Variants in DHX32 observed in about 807,000 individuals in gnomAD.
DHX32 encodes putative pre-mRNA-splicing factor ATP-dependent RNA helicase DHX32.
Under a neutral mutation model 70.0 loss-of-function variants are expected in DHX32, and 51 were observed. The observed-to-expected ratio is 0.73, with a 90% CI of 0.58 to 0.92. DHX32 has a LOEUF of 0.92. Among genes scored for constraint, DHX32 ranks in the 40% least tolerant of loss-of-function variants. The pLI, the probability that DHX32 is intolerant of heterozygous loss-of-function variation, is 0.00. For synonymous variants in DHX32, 310 were observed against 315.3 expected (o/e 0.98, Z 0.18); for missense variants, 762 against 891.8 (o/e 0.85, Z 1.85).
At chr10:125,888,221 A>C (rs56175175) in intron 1 of DHX32, among the ~76,000 whole-genome samples, 1 of 134,448 alleles carries the variant, frequency 7.4e-6, no homozygotes, top group African/African-American at 3.0e-5. Flanking sequence ...TTTTTTTTTT[A>C]AAGACAGGGT....
In DHX32 at chr10:125,841,909, C is replaced by T. The variant is rs778629239; in HGVS notation, c.1377G>A (p.Leu459=). 1.7e-5 allele frequency: 27 copies of T among 1,601,652 alleles called. No individual in the cohort carries two copies. The highest frequency in any genetic ancestry group is 2.0e-5 in the Non-Finnish European group (24 of 1,176,554). ...GTGCTGCCAGATAATCTAAGTCTTC[C>T]AATGCCTGCATCAAACTTTCTGGTG... ...RPAPESLMQA[L]EDLDYLAALD... is the part of the protein sequence containing the mutation. Residue 459 remains leucine (L), a synonymous_variant, in exon 7 of 11, where the codon TTG becomes TTA. Coordinates refer to ENST00000284690, the MANE Select transcript of DHX32 (RefSeq NM_018180.3).
chr10:125,870,900 G>A (rs1944252058), intron 1 of DHX32, among the ~76,000 whole-genome samples: 1 of 152,072 alleles, frequency 6.6e-6, no homozygotes, highest in South Asian at 2.1e-4. Flanking sequence ...CAACATCAGG[G>A]GGACAGTACT....
intron 2 of DHX32, among the ~76,000 whole-genome samples, chr10:125,862,062 C>CTCA (rs1341749133): frequency 1.3e-5 from 2 of 152,174 alleles, no homozygotes; most frequent in African/African-American, 4.8e-5. Flanking sequence ...ATTACTATGA[C>CTCA]TCATTTATAA....
chr10:125,865,396 C>T (rs1051846558), intron 2 of DHX32, among the ~76,000 whole-genome samples: 2 of 152,192 alleles, frequency 1.3e-5, no homozygotes, highest in African/African-American at 4.8e-5. Context: ...AATATATCTT[C>T]AAGAAGTTCA....
intron 6 of DHX32, among the ~76,000 whole-genome samples, chr10:125,849,021 T>C (rs1010291154): frequency 3.3e-5 from 5 of 152,198 alleles, no homozygotes; most frequent in Non-Finnish European, 7.3e-5. Flanking sequence ...CCCCTCAATA[T>C]GGGGACCATC....
At chr10:125,872,807 C>T (rs2134066697) in intron 1 of DHX32, among the ~76,000 whole-genome samples, 1 of 152,262 alleles carries the variant, frequency 6.6e-6, no homozygotes, top group Middle Eastern at 3.4e-3. Flanking sequence ...AATGTGCATC[C>T]CTGGCCTCTT....
At chr10:125,893,877 C>T (rs1262496143) in intron 1 of DHX32, among the ~76,000 whole-genome samples, 1 of 152,238 alleles carries the variant, frequency 6.6e-6, no homozygotes, top group Admixed American at 6.5e-5. Context: ...TTTTATCAAC[C>T]TATTTGCATT....
exon 1 of DHX32, chr10:125,896,347 ACAGGTCCTG>A (rs1944524488): frequency 2.8e-6 from 1 of 358,996 alleles, no homozygotes; most frequent in Admixed American, 4.8e-5. Context: ...ACGTCGGGGC[ACAGGTCCTG>A]CGGGGCCGCG....
At chr10:125,845,386 A>C (rs1944003961) in intron 6 of DHX32, among the ~76,000 whole-genome samples, 1 of 152,258 alleles carries the variant, frequency 6.6e-6, no homozygotes, top group Non-Finnish European at 1.5e-5. Flanking sequence ...AAGGTAGCTG[A>C]CATTATGCAA....
chr10:125,836,836 G>A lies in DHX32; in HGVS notation c.2083C>T (p.Gln695Ter), dbSNP rs773108161. ...GGAGGCAGATTACTGAAATAGTATT[G>A]TGGTACCAGCTGCATAAATCTGTTT... ...SPELFMQLVP[Q>*]YYFSNLPPSE... Residue 695 changes from glutamine (Q) to a stop codon, truncating the protein, a stop_gained, in exon 11 of 11, where the codon CAA becomes TAA. Coordinates refer to ENST00000284690, the MANE Select transcript of DHX32 (RefSeq NM_018180.3). LOFTEE classifies it high-confidence loss of function. 1.9e-6 allele frequency: 3 copies of A among 1,614,110 alleles called. No homozygotes were observed. Among genetic ancestry groups the A allele is most frequent in the Non-Finnish European group, 2.5e-6 (3 of 1,180,000 alleles).
At chr10:125,847,401 A>C (rs533773098) in intron 6 of DHX32, among the ~76,000 whole-genome samples, 1 of 152,232 alleles carries the variant, frequency 6.6e-6, no homozygotes, top group Non-Finnish European at 1.5e-5. Context: ...ATCCACTGCA[A>C]CATAATGCAT....
chr10:125,881,446 T>C (rs1944316993), upstream of DHX32: 1 of 152,338 alleles, frequency 6.6e-6, no homozygotes, highest in African/African-American at 2.4e-5. Context: ...CTGGACCCTA[T>C]AAAAGGAAAG....
At position 125,838,281 on chromosome 10, in the gene DHX32, T is replaced by G. The variant is rs1003925356; in HGVS notation, c.1988A>C (p.Glu663Ala). ...SGYSITKKMP[E>A]WVLFHKFSIS... Reference sequence around the variant, plus strand: ...GCTGAATTTATGGAAGAGGACCCACTCTGGCATCTTCTTGGTGATTGAGTA... The same window carrying G: ...GCTGAATTTATGGAAGAGGACCCACGCTGGCATCTTCTTGGTGATTGAGTA... The change falls in exon 10 of 11, where the codon GAG becomes GCG. Residue 663 changes from glutamate (E) to alanine (A), a missense_variant. Coordinates refer to ENST00000284690, the MANE Select transcript of DHX32 (RefSeq NM_018180.3). 2 of 1,613,990 alleles carry G rather than the reference T, an allele frequency of 1.2e-6. No individual in the cohort carries two copies. Among genetic ancestry groups the G allele is most frequent in the East Asian group, 4.5e-5 (2 of 44,880 alleles).
chr10:125,868,770 C>T (rs562349666), intron 1 of DHX32, among the ~76,000 whole-genome samples: 107 of 152,218 alleles, frequency 7.0e-4, no homozygotes, highest in African/African-American at 2.4e-3. Context: ...TAATTCTTAC[C>T]TGTAAAATGA....
intron 2 of DHX32, among the ~76,000 whole-genome samples, chr10:125,862,305 C>T (rs578247881): frequency 5.5e-4 from 84 of 152,296 alleles, no homozygotes; most frequent in African/African-American, 1.8e-3. Flanking sequence ...GGTTCTCATC[C>T]TGTGTCTTTC....
At chr10:125,836,995 G>A in intron 10 of DHX32, 140 bp from the exon 11 acceptor site, 2 of 690,926 alleles carry the variant, frequency 2.9e-6, no homozygotes, top group East Asian at 5.5e-5. Context: ...TAGTATCTCA[G>A]TCCGACTTTG....
intron 3 of DHX32, among the ~76,000 whole-genome samples, chr10:125,858,396 A>G (rs1476104137): frequency 6.6e-6 from 1 of 152,234 alleles, no homozygotes; most frequent in Non-Finnish European, 1.5e-5. Flanking sequence ...ATGATAACAG[A>G]ATAAATCACT....
intron 3 of DHX32, among the ~76,000 whole-genome samples, chr10:125,857,373 G>C (rs1027941205): frequency 6.6e-6 from 1 of 152,204 alleles, no homozygotes; most frequent in African/African-American, 2.4e-5. Flanking sequence ...TCAGTGGCTG[G>C]CTTGCTGCCC....
chr10:125,877,512 C>A, intron 1 of DHX32, among the ~76,000 whole-genome samples: 1 of 152,018 alleles, frequency 6.6e-6, no homozygotes, highest in Non-Finnish European at 1.5e-5. Flanking sequence ...AATTGTGAAA[C>A]CCTGACTCTA....
Sources: allele counts gnomAD v4.1 joint callset (sites outside exome capture counted in the v4.1 genomes callset), GRCh38; gene constraint gnomAD v4.1.1; transcripts MANE v1.5; gene names NCBI Gene and HGNC (gene_info 2026-07-23, HGNC 2026-07-21).